The following ACOT12 variants were observed in gnomAD, a reference collection of about 807,000 sequenced individuals.
ACOT12 encodes the protein acyl-CoA thioesterase 12, also known as acetyl-coenzyme A thioesterase.
A neutral mutation model predicts 67.7 loss-of-function variants in ACOT12; 51 were observed. The ratio of observed to expected loss-of-function variants is 0.75; its 90% CI spans 0.60 to 0.95. The LOEUF is 0.95. ACOT12 is among the 40% of genes least tolerant of loss of function. The pLI is 0.00. For synonymous variants in ACOT12, 251 were observed against 244.6 expected, an observed-to-expected ratio of 1.03 and a Z score of -0.24; for missense variants, 734 against 708.1, an observed-to-expected ratio of 1.04 and a Z score of -0.41.
intron 2 of ACOT12, among the ~76,000 whole-genome samples, chr5:81,382,770 C>A (rs937394514): frequency 6.6e-6 from 1 of 151,546 alleles, no homozygotes; most frequent in Non-Finnish European, 1.5e-5. Context: ...CCATCGCACT[C>A]CAGCCTGGGT....
At chr5:81,360,284 A>G (rs985037399) in intron 4 of ACOT12, among the ~76,000 whole-genome samples, 11 of 152,144 alleles carry the variant, frequency 7.2e-5, no homozygotes, top group Non-Finnish European at 1.5e-4. Context: ...TCTCTCTATT[A>G]TTTTCCCTGA....
chr5:81,332,456 A>G, intron 13 of ACOT12, 21 bp downstream of exon 13: 1 of 1,613,176 alleles, frequency 6.2e-7, no homozygotes, highest in Non-Finnish European at 8.5e-7. Context: ...TTAATAGAAC[A>G]CTTGGACTGC....
At chr5:81,378,438 T>C (rs1561349464) in intron 2 of ACOT12, among the ~76,000 whole-genome samples, 1 of 152,120 alleles carries the variant, frequency 6.6e-6, no homozygotes, top group South Asian at 2.1e-4. Context: ...AAAGACTTCA[T>C]GACTAAAACA....
chr5:81,368,521 T>C (rs1760149501), intron 3 of ACOT12, among the ~76,000 whole-genome samples: 1 of 152,040 alleles, frequency 6.6e-6, no homozygotes, highest in African/African-American at 2.4e-5. Flanking sequence ...GGAATTAAAT[T>C]ATAAATCAAA....
chr5:81,321,253 C>T, the ACOT12 span, among the ~76,000 whole-genome samples: 2 of 152,100 alleles, frequency 1.3e-5, no homozygotes, highest in Non-Finnish European at 2.9e-5. Context: ...CAGAGCAAGA[C>T]CTTGTCTCAA....
At chr5:81,351,752 A>G (rs1234998201) in intron 5 of ACOT12, among the ~76,000 whole-genome samples, 1 of 152,184 alleles carries the variant, frequency 6.6e-6, no homozygotes, top group Admixed American at 6.5e-5. Flanking sequence ...AAATCAACAA[A>G]CGGAATCACA....
chr5:81,354,253 T>C (rs1430649791), intron 5 of ACOT12, among the ~76,000 whole-genome samples: 3 of 152,234 alleles, frequency 2.0e-5, no homozygotes, highest in Non-Finnish European at 4.4e-5. Context: ...TAGATGTAGA[T>C]CTAATCTGGC....
In ACOT12 at chr5:81,382,623, C is replaced by T. The variant is rs528759211; in HGVS notation, c.197+3134G>A. ...ACCAGCCTGGCCAACATGATGAAACCCCATCTCTACTAAAAAATACAAAAA... is the reference window on the plus strand; with the variant it reads ...ACCAGCCTGGCCAACATGATGAAACTCCATCTCTACTAAAAAATACAAAAA... On this transcript the variant is annotated intron_variant, in intron 2 of 14. Coordinates refer to ENST00000307624, the MANE Select transcript of ACOT12 (RefSeq NM_130767.3). Among the ~76,000 whole-genome samples, 150 of 151,962 alleles carry T rather than the reference C, an allele frequency of 9.9e-4. 1 individual carries two copies. The highest frequency in any genetic ancestry group is 6.3e-3 in the South Asian group (30 of 4,796).
At chr5:81,316,751 A>G in the ACOT12 span, among the ~76,000 whole-genome samples, 2 of 152,164 alleles carry the variant, frequency 1.3e-5, no homozygotes, top group African/African-American at 2.4e-5. Context: ...TTGTCATCCC[A>G]GTGGGTGTAA....
intron 11 of ACOT12, among the ~76,000 whole-genome samples, chr5:81,339,327 G>A (rs887611153): frequency 1.3e-5 from 2 of 152,180 alleles, no homozygotes; most frequent in Non-Finnish European, 2.9e-5. Context: ...CTCCCCTCTG[G>A]TCTGTTTCCT....
At chr5:81,343,195 A>G (rs1759258380) in intron 10 of ACOT12, among the ~76,000 whole-genome samples, 1 of 151,766 alleles carries the variant, frequency 6.6e-6, no homozygotes, top group South Asian at 2.1e-4. Context: ...TCAAAAAAAT[A>G]CCAAAAAAAA....
intron 12 of ACOT12, among the ~76,000 whole-genome samples, chr5:81,335,343 C>T (rs776384543): frequency 4.6e-5 from 7 of 152,130 alleles, no homozygotes; most frequent in Non-Finnish European, 8.8e-5. Context: ...TCACCTGATG[C>T]AGTATTCTGT....
chr5:81,365,763 G>C (rs1450439984), intron 3 of ACOT12, among the ~76,000 whole-genome samples: 1 of 152,216 alleles, frequency 6.6e-6, no homozygotes, highest in Admixed American at 6.5e-5. Flanking sequence ...CGAGAGCACT[G>C]CGTTCCCAGG....
the ACOT12 span, among the ~76,000 whole-genome samples, chr5:81,320,248 G>A: frequency 6.6e-6 from 1 of 152,188 alleles, no homozygotes; most frequent in South Asian, 2.1e-4. Flanking sequence ...GAAGCTGAGG[G>A]TATCTGCTGA....
At chr5:81,381,549 G>C (rs1168374258) in intron 2 of ACOT12, among the ~76,000 whole-genome samples, 1 of 152,112 alleles carries the variant, frequency 6.6e-6, no homozygotes, top group African/African-American at 2.4e-5. Flanking sequence ...AGGTGGAGAA[G>C]AGTACACACA....
rs2153842387 is a variant in ACOT12 at position 81,332,425 on chromosome 5, T to C, written c.1391+52A>G. ...ATTATTTTCACATCAACTTTTAATT[T>C]CTATCCTATACTATGAAATATTAAT... On this transcript the variant is annotated intron_variant, in intron 13 of 14. Transcript: ENST00000307624. 1.1e-5 allele frequency: 18 copies of C among 1,575,684 alleles called. No homozygotes were observed. The Middle Eastern group carries it at 5.2e-4, about 45-fold the overall frequency.
At chr5:81,352,995 CTA>C (rs1461451525) in intron 5 of ACOT12, among the ~76,000 whole-genome samples, 1 of 152,088 alleles carries the variant, frequency 6.6e-6, no homozygotes, top group African/African-American at 2.4e-5. Flanking sequence ...TGTGCATGTA[CTA>C]TCTCTTTAAA....
Position 81,330,174 on chromosome 5 carries a change from G to T in ACOT12, c.*220C>A. The T allele has an allele frequency of 2.2e-6, 1 of 454,906 alleles. No homozygotes were observed. Among genetic ancestry groups the T allele is most frequent in the Non-Finnish European group, 3.8e-6 (1 of 262,324 alleles). 28.2% of individuals were successfully genotyped at this position (454,906 alleles called of 1,614,324 possible). Reference sequence around the variant, plus strand: ...TATCTGTGCCCCTGGAAGAGGCAGAGCCACAGATGACTTACAACAGAATTC... The same window carrying T: ...TATCTGTGCCCCTGGAAGAGGCAGATCCACAGATGACTTACAACAGAATTC... On this transcript the variant is annotated 3_prime_UTR_variant, in exon 15 of 15. Transcript: ENST00000307624.
the ACOT12 span, among the ~76,000 whole-genome samples, chr5:81,314,612 A>C: frequency 6.6e-6 from 1 of 152,186 alleles, no homozygotes; most frequent in Non-Finnish European, 1.5e-5. Context: ...GAGGAAGGCA[A>C]ACAATTTATT....
Sources: gnomAD v4.1 joint callset for allele counts (sites outside exome capture counted in the v4.1 genomes callset) on GRCh38, gnomAD v4.1.1 for gene constraint, MANE v1.5 for transcripts, NCBI Gene and HGNC (gene_info 2026-07-23, HGNC 2026-07-21) for gene names.